ADCYAP1R1: variants seen among roughly 807,000 people sequenced by gnomAD.
ADCYAP1R1 encodes the protein ADCYAP receptor type I.
A neutral mutation model predicts 67.6 loss-of-function variants in ADCYAP1R1; 44 were observed. That is an observed-to-expected ratio of 0.65 (90% CI 0.51 to 0.84). The LOEUF (loss-of-function observed/expected upper bound fraction) is 0.84. Among genes scored for constraint, ADCYAP1R1 ranks in the 40% least tolerant of loss-of-function variants. The pLI is 0.00. For missense variants in ADCYAP1R1, 477 were observed against 587.9 expected (o/e 0.81, Z 1.95); for synonymous variants, 222 against 219.6 (o/e 1.01, Z -0.10).
chr7:31,069,062 A>G (rs569158669), intron 3 of ADCYAP1R1, among the ~76,000 whole-genome samples: 59 of 149,712 alleles, frequency 3.9e-4, no homozygotes, highest in South Asian at 8.3e-4. Context: ...AGTCCTCAGC[A>G]TTTGGGTTGG....
chr7:31,102,169 C>G lies in ADCYAP1R1; in HGVS notation c.1047-1068C>G, dbSNP rs1796465936. ...GAGAGAGGGACACATGGTGTAATTGCCCCAAATCAAACGACTGCCTCATGC... is the reference window on the plus strand; with the variant it reads ...GAGAGAGGGACACATGGTGTAATTGGCCCAAATCAAACGACTGCCTCATGC... On this transcript the variant is annotated intron_variant, in intron 13 of 15. Coordinates refer to ENST00000304166, the MANE Select transcript of ADCYAP1R1 (RefSeq NM_001118.5). The surrounding 1 kb of genome is among the most constrained non-coding windows in gnomAD (Gnocchi z 4.3). Among the ~76,000 whole-genome samples, 1 of 152,218 alleles carries G rather than the reference C, an allele frequency of 6.6e-6. No individual in the cohort carries two copies. Among genetic ancestry groups the G allele is most frequent in the Admixed American group, 6.5e-5 (1 of 15,290 alleles).
rs1795208222 is a variant in ADCYAP1R1 at position 31,076,240 on chromosome 7, AC to A, written c.158-1748del. On this transcript the variant is annotated intron_variant, in intron 3 of 15. Coordinates refer to ENST00000304166, the MANE Select transcript of ADCYAP1R1 (RefSeq NM_001118.5). Reference sequence around the variant, plus strand: ...CATTCGGTCAGGGCCGCTGGGCGGGACCCAGTAAGGGCTGAAATTGTTCCTT... The same window carrying A: ...CATTCGGTCAGGGCCGCTGGGCGGGACCAGTAAGGGCTGAAATTGTTCCTT... 2.0e-5 allele frequency among the ~76,000 whole-genome samples: 3 copies of A among 152,230 alleles called. No homozygotes were observed. The East Asian group carries it at 5.8e-4, about 29-fold the overall frequency.
At chr7:31,073,372 AAGG>A (rs1795071016) in intron 3 of ADCYAP1R1, among the ~76,000 whole-genome samples, 1 of 152,114 alleles carries the variant, frequency 6.6e-6, no homozygotes, top group African/African-American at 2.4e-5. Flanking sequence ...AAAAAGATAA[AAGG>A]AGGAGGGGGA....
rs142088943 is a variant in ADCYAP1R1 at position 31,106,514 on chromosome 7, C to T, written c.1237C>T (p.Arg413Ter). 1 of 1,610,172 alleles carries T rather than the reference C, an allele frequency of 6.2e-7. No individual in the cohort carries two copies. The highest frequency in any genetic ancestry group is 8.5e-7 in the Non-Finnish European group (1 of 1,178,062). The change falls in exon 16 of 16, where the codon CGA becomes TGA. Residue 413 changes from arginine to a stop codon, truncating the protein, a stop_gained. Coordinates refer to ENST00000304166, the MANE Select transcript of ADCYAP1R1 (RefSeq NM_001118.5). LOFTEE classifies it high-confidence loss of function. ...LNGEVQAEIK[R>*]KWRSWKVNRY... ...CCTGCAGGTACAAGCGGAGATCAAG[C>T]GAAAATGGCGAAGCTGGAAGGTGAA...
intron 13 of ADCYAP1R1, chr7:31,100,264 C>A (rs896559046): frequency 1.2e-5 from 18 of 1,496,474 alleles, no homozygotes; most frequent in Non-Finnish European, 1.5e-5. Context: ...GTGGGGGACG[C>A]ATGCTGCCAC....
rs1795360500 is a variant in ADCYAP1R1 at position 31,078,224 on chromosome 7, G to T, written c.265+126G>T. On this transcript the variant is annotated intron_variant, in intron 4 of 15. Transcript: ENST00000304166. ...ACAGTCCCTGCTCCTGAGCTCACAT[G>T]TGGTGTGGGGGATGAAACCACAGAC... 3 of 665,376 alleles carry T rather than the reference G, an allele frequency of 4.5e-6. No individual in the cohort carries two copies. In the South Asian group the frequency reaches 5.9e-5, roughly 13 times the overall value. 41.2% of individuals were successfully genotyped at this position (665,376 alleles called of 1,614,324 possible).
chr7:31,055,328 A>AGT (rs34731040), intron 1 of ADCYAP1R1, among the ~76,000 whole-genome samples: 5,166 of 148,362 alleles, frequency 0.035, 199 homozygotes, highest in African/African-American at 0.095. Flanking sequence ...AATGGAGGAA[A>AGT]GTGTGTGTGT....
chr7:31,063,192 A>G lies in ADCYAP1R1; in HGVS notation c.-71-2A>G. On this transcript the variant is annotated splice_acceptor_variant, in intron 1 of 15. Coordinates refer to ENST00000304166, the MANE Select transcript of ADCYAP1R1 (RefSeq NM_001118.5). LOFTEE classifies it low-confidence loss of function (5UTR_SPLICE). ...GGATTCACACCTTTCCTTCCTCTCT[A>G]GCCCAGAGACACATTGGGGCTGACC... The G allele has an allele frequency of 6.3e-7, 1 of 1,584,892 alleles. No homozygotes were observed. Among genetic ancestry groups the G allele is most frequent in the Non-Finnish European group, 8.7e-7 (1 of 1,153,718 alleles).
chr7:31,108,998 A>G lies in ADCYAP1R1; in HGVS notation c.*2314A>G, dbSNP rs1796752540. The G allele has an allele frequency of 6.6e-6, 1 of 152,248 alleles. No individual in the cohort carries two copies. The highest frequency in any genetic ancestry group is 2.1e-4 in the South Asian group (1 of 4,830). 9.4% of individuals were successfully genotyped at this position (152,248 alleles called of 1,614,324 possible). On this transcript the variant is annotated 3_prime_UTR_variant, in exon 16 of 16. Coordinates refer to ENST00000304166, the MANE Select transcript of ADCYAP1R1 (RefSeq NM_001118.5). ...GTGGCCAGCTCCAGATCCAAGGAGC[A>G]GCCCCCTGGGGATGGACCCCATTCA...
chr7:31,071,364 C>T (rs1330239531), intron 3 of ADCYAP1R1, among the ~76,000 whole-genome samples: 1 of 152,142 alleles, frequency 6.6e-6, no homozygotes, highest in Non-Finnish European at 1.5e-5. Context: ...CGCAGCACTC[C>T]CCGACCCACC....
chr7:31,094,727 G>A (rs1322888166), intron 13 of ADCYAP1R1, among the ~76,000 whole-genome samples: 2 of 152,128 alleles, frequency 1.3e-5, no homozygotes, highest in African/African-American at 2.4e-5. Context: ...GTTCTCCACG[G>A]ACCAGGAGCC....
intron 3 of ADCYAP1R1, among the ~76,000 whole-genome samples, chr7:31,076,185 G>C (rs540071192): frequency 4.6e-5 from 7 of 152,320 alleles, no homozygotes; most frequent in African/African-American, 1.7e-4. Context: ...CAGGGTGGGC[G>C]GCCAAAGGCA....
At chr7:31,100,384 TG>T (rs1796389752) in intron 13 of ADCYAP1R1, among the ~76,000 whole-genome samples, 2 of 112,914 alleles carry the variant, frequency 1.8e-5, no homozygotes, top group Admixed American at 2.3e-4. Flanking sequence ...TGCAGCCTCG[TG>T]GTCATGGGGT....
rs1796485312 is a variant in ADCYAP1R1 at position 31,102,653 on chromosome 7, T to C, written c.1047-584T>C. Among the ~76,000 whole-genome samples the C allele has an allele frequency of 6.6e-6, 1 of 152,188 alleles. No individual in the cohort carries two copies. Among genetic ancestry groups the C allele is most frequent in the South Asian group, 2.1e-4 (1 of 4,830 alleles). ...CTCCTGCCCAGTTGGAGATTGCCGA[T>C]GCCCAGGGTCCGTAAGTTCCTCCTA... is the stretch of plus-strand genomic sequence containing the variant. On this transcript the variant is annotated intron_variant, in intron 13 of 15. Coordinates refer to ENST00000304166, the MANE Select transcript of ADCYAP1R1 (RefSeq NM_001118.5). The surrounding 1 kb of genome is among the most constrained non-coding windows in gnomAD (Gnocchi z 4.3).
At chr7:31,083,930 C>A (rs1235660625) in intron 6 of ADCYAP1R1, among the ~76,000 whole-genome samples, 1 of 152,190 alleles carries the variant, frequency 6.6e-6, no homozygotes, top group African/African-American at 2.4e-5. Flanking sequence ...ATTCAGCTGG[C>A]GCAGTCTCCC....
chr7:31,072,702 C>A (rs1247871992), intron 3 of ADCYAP1R1, among the ~76,000 whole-genome samples: 2 of 152,236 alleles, frequency 1.3e-5, no homozygotes, highest in Non-Finnish European at 2.9e-5. Flanking sequence ...GAATAATGCC[C>A]CCACCCCGGC....
At chr7:31,076,449 C>T (rs76663478) in intron 3 of ADCYAP1R1, among the ~76,000 whole-genome samples, 1 of 152,146 alleles carries the variant, frequency 6.6e-6, no homozygotes, top group Non-Finnish European at 1.5e-5. Flanking sequence ...AGCCGCTGGG[C>T]CCCCTAGACC....
At position 31,086,419 on chromosome 7, in the gene ADCYAP1R1, C is replaced by T. The variant is rs1165345744; in HGVS notation, c.705C>T (p.Tyr235=). 2 of 1,614,238 alleles carry T rather than the reference C, an allele frequency of 1.2e-6. No homozygotes were observed. The highest frequency in any genetic ancestry group is 1.7e-5 in the Admixed American group (1 of 60,032). Residue 235 remains tyrosine, a synonymous_variant, in exon 10 of 16, where the codon TAC becomes TAT. Transcript: ENST00000304166. This position sits in a 1 kb window ranked among gnomAD's most constrained non-coding sequence, Gnocchi z 5.0. ...ECKAVMVFFH[Y]CVVSNYFWLF... ...AGGCCGTCATGGTTTTCTTCCACTA[C>T]TGTGTTGTGTCCAACTACTTCTGGC...
chr7:31,084,860 A>G (rs1795670430), intron 8 of ADCYAP1R1, 26 bp downstream of exon 8: 2 of 1,605,068 alleles, frequency 1.2e-6, no homozygotes, highest in Middle Eastern at 1.7e-4. Flanking sequence ...ACATTCAAGC[A>G]AGCACCAGAG....
Sources: gnomAD v4.1 joint callset for allele counts (sites outside exome capture counted in the v4.1 genomes callset) on GRCh38, gnomAD v4.1.1 for gene constraint, Gnocchi (gnomAD v3.1) non-coding constraint, MANE v1.5 for transcripts, NCBI Gene and HGNC (gene_info 2026-07-23, HGNC 2026-07-21) for gene names.